The following DGKB variants were observed in gnomAD, a reference collection of about 807,000 sequenced individuals.
The protein encoded by DGKB is diacylglycerol kinase beta.
Under a neutral mutation model 114.3 loss-of-function variants are expected in DGKB, and 67 were observed. The observed-to-expected ratio is 0.59, with a 90% CI of 0.48 to 0.72. The LOEUF (loss-of-function observed/expected upper bound fraction) is 0.72. Ranked by LOEUF, DGKB falls within the 30% of genes least tolerant of loss-of-function variation. The probability of loss-of-function intolerance (pLI) is 0.00; values close to 1 mark genes in which losing one functional copy is unlikely to be tolerated. For synonymous variants in DGKB, 398 were observed against 323.1 expected (o/e 1.23, Z -2.49); for missense variants, 907 against 975.2 (o/e 0.93, Z 0.93).
chr7:14,854,995 C>G (rs993627215), intron 1 of DGKB, among the ~76,000 whole-genome samples: 2 of 152,028 alleles, frequency 1.3e-5, no homozygotes, highest in African/African-American at 4.8e-5. Context: ...CCAAGAGACA[C>G]CCTTCAAATG....
intron 1 of DGKB, among the ~76,000 whole-genome samples, chr7:14,849,649 T>C (rs1586901291): frequency 6.6e-6 from 1 of 152,204 alleles, no homozygotes; most frequent in Admixed American, 6.5e-5. Context: ...TTTCCTTTGA[T>C]AACAGGACAC....
chr7:14,646,895 C>T (rs530122256), intron 13 of DGKB, among the ~76,000 whole-genome samples: 48 of 151,668 alleles, frequency 3.2e-4, no homozygotes, highest in African/African-American at 1.1e-3. Context: ...AATAAACAAC[C>T]TAACAATACA....
chr7:14,411,262 A>G (rs1824830973), intron 21 of DGKB, among the ~76,000 whole-genome samples: 1 of 152,210 alleles, frequency 6.6e-6, no homozygotes. Flanking sequence ...ATGTTTGGTC[A>G]GTTCGATGTA....
intron 21 of DGKB, among the ~76,000 whole-genome samples, chr7:14,443,853 A>G (rs1007445910): frequency 6.6e-6 from 1 of 151,982 alleles, no homozygotes; most frequent in Non-Finnish European, 1.5e-5. Flanking sequence ...AACATTTTTT[A>G]TGCACTGTTA....
intron 20 of DGKB, among the ~76,000 whole-genome samples, chr7:14,490,749 A>G (rs1784483678): frequency 6.6e-6 from 1 of 152,170 alleles, no homozygotes; most frequent in Admixed American, 6.5e-5. Flanking sequence ...AACAAAGGTA[A>G]TCATTTATTC....
In DGKB at chr7:14,817,434, T is replaced by A. The variant is rs1044027276; in HGVS notation, c.70+23760A>T. Among the ~76,000 whole-genome samples the A allele has an allele frequency of 5.3e-5, 8 of 152,136 alleles. No individual in the cohort carries two copies. The East Asian group carries it at 7.7e-4, about 15-fold the overall frequency. On this transcript the variant is annotated intron_variant, in intron 2 of 25. Coordinates refer to ENST00000402815, the MANE Select transcript of DGKB (RefSeq NM_001350709.2). The stretch of plus-strand genomic sequence containing the variant: ...TCTAGCCAGATGCTATGATATTTTT[T>A]AAAAAATCAAACAAAACCAAATAGA...
intron 23 of DGKB, among the ~76,000 whole-genome samples, chr7:14,328,788 T>C (rs910829659): frequency 1.3e-5 from 2 of 152,050 alleles, no homozygotes; most frequent in Non-Finnish European, 2.9e-5. Context: ...TCCATGTAGA[T>C]TTGTAATCTT....
chr7:14,903,596 A>T (rs538474738), upstream of DGKB, among the ~76,000 whole-genome samples: 479 of 152,218 alleles, frequency 3.1e-3, 3 homozygotes, highest in African/African-American at 0.011. Flanking sequence ...ACTTCTACCA[A>T]TTGTAGCAGC....
intron 1 of DGKB, among the ~76,000 whole-genome samples, chr7:14,961,803 C>T (rs906911240): frequency 6.6e-6 from 1 of 152,048 alleles, no homozygotes; most frequent in Non-Finnish European, 1.5e-5. Flanking sequence ...CTCACCCCAC[C>T]CACAGCCCTT....
At chr7:14,288,482 A>G (rs1357498572) in intron 23 of DGKB, among the ~76,000 whole-genome samples, 1 of 152,066 alleles carries the variant, frequency 6.6e-6, no homozygotes, top group Non-Finnish European at 1.5e-5. Flanking sequence ...GTTATGCCTA[A>G]TTGACAATTG....
chr7:14,350,706 A>C (rs753997445), intron 21 of DGKB, among the ~76,000 whole-genome samples: 2 of 151,528 alleles, frequency 1.3e-5, no homozygotes, highest in African/African-American at 4.9e-5. Flanking sequence ...AAAGACTTCT[A>C]CTAGATACTG....
intron 2 of DGKB, among the ~76,000 whole-genome samples, chr7:14,834,359 T>C (rs1261242716): frequency 6.6e-6 from 1 of 152,182 alleles, no homozygotes; most frequent in Non-Finnish European, 1.5e-5. Flanking sequence ...CCTGTGATAA[T>C]GGCCAAATTA....
At chr7:14,503,266 G>A (rs1462965827) in intron 20 of DGKB, among the ~76,000 whole-genome samples, 2 of 152,084 alleles carry the variant, frequency 1.3e-5, no homozygotes, top group Non-Finnish European at 2.9e-5. Context: ...AGTTTGGTAA[G>A]ACGTTATTCT....
intron 20 of DGKB, among the ~76,000 whole-genome samples, chr7:14,519,725 G>GT (rs1266160880): frequency 6.6e-6 from 1 of 151,640 alleles, no homozygotes; most frequent in Non-Finnish European, 1.5e-5. Flanking sequence ...GTACTGTATG[G>GT]TTTTTTGATT....
At chr7:14,347,151 A>T (rs907778398) in intron 21 of DGKB, among the ~76,000 whole-genome samples, 2 of 151,946 alleles carry the variant, frequency 1.3e-5, no homozygotes, top group African/African-American at 2.4e-5. Context: ...GTATGCCTGG[A>T]CATGTGAGGC....
intron 23 of DGKB, among the ~76,000 whole-genome samples, chr7:14,312,526 TTAAA>T (rs1418507040): frequency 3.9e-5 from 6 of 152,356 alleles, no homozygotes; most frequent in African/African-American, 1.4e-4. Context: ...AAAAATTTTA[TTAAA>T]TATTTACTCT....
At chr7:14,962,095 C>G (rs949660776) in intron 1 of DGKB, among the ~76,000 whole-genome samples, 6 of 152,092 alleles carry the variant, frequency 3.9e-5, no homozygotes, top group African/African-American at 1.4e-4. Flanking sequence ...AAAATTGTAA[C>G]TTTGAATAGT....
At chr7:14,257,708 A>G (rs38290) in intron 23 of DGKB, among the ~76,000 whole-genome samples, 82,395 of 151,980 alleles carry the variant, frequency 0.54, 24,465 homozygotes, top group East Asian at 0.99. Flanking sequence ...ACGTGGAACT[A>G]TGAGTCTATT....
At chr7:14,877,539 T>G (rs1297019022) in intron 1 of DGKB, among the ~76,000 whole-genome samples, 3 of 152,020 alleles carry the variant, frequency 2.0e-5, no homozygotes, top group Non-Finnish European at 2.9e-5. Flanking sequence ...CGGGGAAAAA[T>G]AGCGAAACTT....
Sources: allele counts gnomAD v4.1 joint callset (sites outside exome capture counted in the v4.1 genomes callset), GRCh38; gene constraint gnomAD v4.1.1; transcripts MANE v1.5; gene names NCBI Gene and HGNC (gene_info 2026-07-23, HGNC 2026-07-21).